The following SOX6 variants were observed in gnomAD, a reference collection of about 807,000 sequenced individuals.
SOX6 encodes transcription factor SOX-6.
A neutral mutation model predicts 97.8 loss-of-function variants in SOX6; 11 were observed. The ratio of observed to expected loss-of-function variants is 0.11; its 90% CI spans 0.07 to 0.19. SOX6 has a LOEUF of 0.19. Among genes scored for constraint, SOX6 ranks in the 10% least tolerant of loss-of-function variants. SOX6 has a pLI of 1.00. For missense variants in SOX6, 810 were observed against 1,039.5 expected, an observed-to-expected ratio of 0.78 and a Z score of 3.04; for synonymous variants, 360 against 371.4, an observed-to-expected ratio of 0.97 and a Z score of 0.35.
At chr11:16,662,316 A>G (rs1011938002) in intron 3 of SOX6, among the ~76,000 whole-genome samples, 4 of 152,178 alleles carry the variant, frequency 2.6e-5, no homozygotes, top group Non-Finnish European at 5.9e-5. Flanking sequence ...TTTTTCTTTC[A>G]AAATGTAAAC....
Position 16,055,639 on chromosome 11 carries a change from T to C in SOX6, c.1251+113A>G, listed in dbSNP as rs912587250. ...TACCATAAAGAGGGACATTTTGGGGTTGCTTTATGTTGCTATGTTTCCTGC... is the reference window on the plus strand; with the variant it reads ...TACCATAAAGAGGGACATTTTGGGGCTGCTTTATGTTGCTATGTTTCCTGC... On this transcript the variant is annotated intron_variant, in intron 10 of 15. Transcript: ENST00000683767. 4 of 1,254,942 alleles carry C rather than the reference T, an allele frequency of 3.2e-6. No homozygotes were observed. In the South Asian group the frequency reaches 5.1e-5, roughly 16 times the overall value. The allele number at this position is 1,254,942 out of a possible 1,614,324, so 77.7% of individuals were successfully genotyped here. A position where few individuals can be genotyped will look rare whatever the true frequency, so the allele number is the denominator to read the frequency against.
intron 3 of SOX6, among the ~76,000 whole-genome samples, chr11:16,308,767 G>A (rs1332913239): frequency 6.6e-6 from 1 of 152,050 alleles, no homozygotes; most frequent in Admixed American, 6.6e-5. Context: ...GGATCAAAAG[G>A]GAAAAAAGTG....
intron 1 of SOX6, among the ~76,000 whole-genome samples, chr11:16,390,050 A>G: frequency 6.6e-6 from 1 of 150,686 alleles, no homozygotes; most frequent in Admixed American, 6.6e-5. Context: ...TGCAGTAAGC[A>G]GTAGCTCAAA....
intron 4 of SOX6, among the ~76,000 whole-genome samples, chr11:16,597,439 A>G (rs186646998): frequency 6.6e-6 from 1 of 151,968 alleles, no homozygotes; most frequent in East Asian, 1.9e-4. Flanking sequence ...TTAAAATTAG[A>G]AAATTGAGAT....
intron 4 of SOX6, among the ~76,000 whole-genome samples, chr11:16,564,594 C>T (rs1309551109): frequency 6.6e-6 from 1 of 151,926 alleles, no homozygotes; most frequent in Non-Finnish European, 1.5e-5. Context: ...TTTTTAAAAA[C>T]TGAAATCATA....
chr11:16,553,733 AC>A (rs1325457051), intron 4 of SOX6, among the ~76,000 whole-genome samples: 1 of 152,132 alleles, frequency 6.6e-6, no homozygotes, highest in Non-Finnish European at 1.5e-5. Flanking sequence ...TCCAAACAGA[AC>A]CAGGATAAAA....
intron 3 of SOX6, among the ~76,000 whole-genome samples, chr11:16,646,854 C>T (rs1225148287): frequency 6.6e-6 from 1 of 152,174 alleles, no homozygotes; most frequent in Non-Finnish European, 1.5e-5. Context: ...CATGCATGTG[C>T]AAGTATCTTT....
chr11:16,232,452 G>T (rs1852881932), intron 4 of SOX6, among the ~76,000 whole-genome samples: 1 of 151,682 alleles, frequency 6.6e-6, no homozygotes, highest in Non-Finnish European at 1.5e-5. Context: ...ATATCACAAA[G>T]AATCCAGAAA....
Position 16,246,315 on chromosome 11 carries a change from T to G in SOX6, c.446-11644A>C, listed in dbSNP as rs909432658. On this transcript the variant is annotated intron_variant, in intron 3 of 15. Transcript: ENST00000683767. ...TAATCATTAGAAATTAAATGTCATA[T>G]ATTTGCCTCCAGAGTAACCATTTAC... is the stretch of plus-strand genomic sequence containing the variant. Among the ~76,000 whole-genome samples the G allele has an allele frequency of 4.5e-4, 69 of 151,808 alleles. 1 individual carries two copies. The highest frequency in any genetic ancestry group is 1.6e-3 in the African/African-American group (67 of 41,444).
chr11:16,282,992 A>C (rs1854609119), intron 3 of SOX6, among the ~76,000 whole-genome samples: 1 of 142,280 alleles, frequency 7.0e-6, no homozygotes, highest in Non-Finnish European at 1.5e-5. Flanking sequence ...TTGGTGAGAG[A>C]GAGAAAGGGA....
chr11:16,198,230 CTTTTTTT>C (rs71455880), intron 4 of SOX6, among the ~76,000 whole-genome samples: 1 of 48,360 alleles, frequency 2.1e-5, no homozygotes. Context: ...ATTTTTTTTT[CTTTTTTT>C]TTTTTTTTTT....
chr11:16,000,107 T>A (rs953625677), intron 13 of SOX6, among the ~76,000 whole-genome samples: 3 of 152,220 alleles, frequency 2.0e-5, no homozygotes, highest in African/African-American at 7.2e-5. Context: ...GGAAACCTAC[T>A]GCTAACTTCT....
chr11:16,296,537 T>C lies in SOX6; in HGVS notation c.445+21909A>G, dbSNP rs913750902. Among the ~76,000 whole-genome samples the C allele has an allele frequency of 4.4e-4, 67 of 152,146 alleles. 2 individuals are homozygous for C. The highest frequency in any genetic ancestry group is 4.4e-5 in the Non-Finnish European group (3 of 68,006). ...TAAGGGTATTATAAAGAATGGCTTA[T>C]TGAAGGAGCAGCTGTTTATGTGTAG... On this transcript the variant is annotated intron_variant, in intron 3 of 15. Coordinates refer to ENST00000683767, the MANE Select transcript of SOX6 (RefSeq NM_001367873.1).
At chr11:16,201,313 A>G (rs1028272694) in intron 4 of SOX6, among the ~76,000 whole-genome samples, 5 of 152,148 alleles carry the variant, frequency 3.3e-5, no homozygotes, top group Admixed American at 6.5e-5. Flanking sequence ...ATTTAATGTC[A>G]GTTTCTGACA....
At chr11:16,463,235 C>T (rs1248105537) in intron 1 of SOX6, among the ~76,000 whole-genome samples, 1 of 152,110 alleles carries the variant, frequency 6.6e-6, no homozygotes, top group Non-Finnish European at 1.5e-5. Flanking sequence ...TCATTCCTTC[C>T]TTGTCTTTAT....
At chr11:16,088,932 A>C (rs1010014075) in intron 9 of SOX6, among the ~76,000 whole-genome samples, 1 of 152,140 alleles carries the variant, frequency 6.6e-6, no homozygotes. Flanking sequence ...CTTTTGTTTT[A>C]GTTCATACCA....
intron 3 of SOX6, among the ~76,000 whole-genome samples, chr11:16,663,325 T>C (rs559693600): frequency 6.6e-6 from 1 of 152,146 alleles, no homozygotes; most frequent in East Asian, 1.9e-4. Context: ...AAGGCTATAT[T>C]TTTTTTTCTT....
At chr11:16,439,252 A>G (rs191401279) in intron 1 of SOX6, among the ~76,000 whole-genome samples, 2 of 152,334 alleles carry the variant, frequency 1.3e-5, no homozygotes, top group East Asian at 3.9e-4. Context: ...GAGATACAGA[A>G]CCAGATAAAC....
chr11:16,665,585 C>T (rs1435517038), intron 3 of SOX6, among the ~76,000 whole-genome samples: 1 of 152,186 alleles, frequency 6.6e-6, no homozygotes, highest in African/African-American at 2.4e-5. Flanking sequence ...TGGACAGCAT[C>T]TCTAGACCTG....
Sources: allele counts gnomAD v4.1 joint callset (sites outside exome capture counted in the v4.1 genomes callset), GRCh38; gene constraint gnomAD v4.1.1; transcripts MANE v1.5; gene names NCBI Gene and HGNC (gene_info 2026-07-23, HGNC 2026-07-21).